The following NEBL variants were observed in gnomAD, a reference collection of about 807,000 sequenced individuals.
NEBL encodes nebulette, also known as LIM and SH3 protein 2.
Under a neutral mutation model 140.2 loss-of-function variants are expected in NEBL, and 122 were observed. The observed-to-expected ratio is 0.87, with a 90% confidence interval of 0.75 to 1.01. NEBL has a LOEUF of 1.01. Among genes scored for constraint, NEBL ranks in the 50% least tolerant of loss-of-function variants. NEBL has a pLI of 0.00. For synonymous variants in NEBL, 436 were observed against 398.9 expected, an observed-to-expected ratio of 1.09 and a Z score of -1.11; for missense variants, 1,365 against 1,231.3, an observed-to-expected ratio of 1.11 and a Z score of -1.62.
chr10:20,788,681 C>A (rs557336789), intron 26 of NEBL, among the ~76,000 whole-genome samples: 1 of 152,088 alleles, frequency 6.6e-6, no homozygotes, highest in Non-Finnish European at 1.5e-5. Flanking sequence ...TAGTATATTG[C>A]AAAGTCATTA....
intron 4 of NEBL, among the ~76,000 whole-genome samples, chr10:20,930,833 G>T (rs1480214661): frequency 6.6e-6 from 1 of 152,222 alleles, no homozygotes; most frequent in African/African-American, 2.4e-5. Context: ...CATAAGGTTT[G>T]CCTAGAATGA....
At chr10:20,840,980 T>C (rs147004964) in intron 12 of NEBL, 131 bp from the exon 13 acceptor site, 49 of 657,814 alleles carry the variant, frequency 7.4e-5, no homozygotes, top group Non-Finnish European at 1.2e-4. Flanking sequence ...CACAGCTAAG[T>C]ATTCATGCTT....
chr10:21,033,419 T>A (rs1833877737), intron 2 of NEBL, among the ~76,000 whole-genome samples: 1 of 152,346 alleles, frequency 6.6e-6, no homozygotes, highest in East Asian at 1.9e-4. Context: ...ATAATTCTAT[T>A]TTTAAGAAAA....
Position 20,840,741 on chromosome 10 carries a change from C to T in NEBL, c.1336G>A (p.Glu446Lys), listed in dbSNP as rs1367332902. ...RAKRASEMAS[E>K]KEYKKDLESI... ...AGGTGTTAAATAAACATACTCACCT[C>T]ACTTGCCATTTCAGAGGCTCGCTTT... is the stretch of plus-strand genomic sequence containing the variant. Residue 446 changes from glutamate to lysine, a missense_variant and splice_region_variant, in exon 13 of 28, where the codon GAG becomes AAG. By Grantham distance (56) the Glu-to-Lys change is moderately conservative. Transcript: ENST00000377122. 6.3e-7 allele frequency: 1 copy of T among 1,596,298 alleles called. No individual in the cohort carries two copies. The highest frequency in any genetic ancestry group is 1.7e-5 in the Admixed American group (1 of 59,882).
chr10:21,217,239 A>G (rs988799800), intron 3 of NEBL, among the ~76,000 whole-genome samples: 5 of 152,226 alleles, frequency 3.3e-5, no homozygotes, highest in Non-Finnish European at 1.5e-5. Flanking sequence ...TTTACTTAAG[A>G]GGTCATGGAG....
chr10:21,166,368 C>T (rs951390868), intron 2 of NEBL, among the ~76,000 whole-genome samples: 2 of 151,632 alleles, frequency 1.3e-5, no homozygotes, highest in African/African-American at 2.4e-5. Flanking sequence ...GTTTTCTCTT[C>T]TCATTCTCTT....
At chr10:21,144,568 A>G (rs1425082493) in intron 2 of NEBL, among the ~76,000 whole-genome samples, 1 of 152,166 alleles carries the variant, frequency 6.6e-6, no homozygotes, top group Non-Finnish European at 1.5e-5. Context: ...TGGACTAAAA[A>G]TACAAAAATA....
Position 21,010,034 on chromosome 10 carries a change from G to A in NEBL, c.249+10083C>T, listed in dbSNP as rs117494757. On this transcript the variant is annotated intron_variant, in intron 3 of 6. Coordinates refer to the NEBL transcript ENST00000417816. ...TGGTTTTGTTGTTTAAGGCCATTAC[G>A]AGACAGTAGTGTCTAAGTAGTGTCC... Among the ~76,000 whole-genome samples, 167 of 152,160 alleles carry A rather than the reference G, an allele frequency of 1.1e-3. No individual in the cohort carries two copies. The East Asian group carries it at 0.022, about 20-fold the overall frequency.
intron 4 of NEBL, among the ~76,000 whole-genome samples, chr10:20,925,649 C>T (rs540009135): frequency 5.5e-4 from 84 of 151,926 alleles, no homozygotes; most frequent in African/African-American, 1.9e-3. Context: ...TTAACCCACA[C>T]ATTTAGAAAG....
At chr10:21,129,429 C>A (rs1464928971) in intron 2 of NEBL, among the ~76,000 whole-genome samples, 1 of 151,776 alleles carries the variant, frequency 6.6e-6, no homozygotes, top group Admixed American at 6.6e-5. Flanking sequence ...CTTAATTGAC[C>A]TTACAGAATT....
At position 20,897,046 on chromosome 10, in the gene NEBL, A is replaced by G; in HGVS notation, c.82-17T>C. ...ATAGAAGACCTATTTGAAAAAAAAG[A>G]AAAGAACAGAAAGAACATTTTTCTC... On this transcript the variant is annotated splice_polypyrimidine_tract_variant and intron_variant, in intron 1 of 27. Coordinates refer to ENST00000377122, the MANE Select transcript of NEBL (RefSeq NM_006393.3). The G allele has an allele frequency of 6.2e-7, 1 of 1,611,304 alleles. No homozygotes were observed. The highest frequency in any genetic ancestry group is 8.5e-7 in the Non-Finnish European group (1 of 1,177,660).
At chr10:21,040,218 T>C (rs953384098) in intron 2 of NEBL, among the ~76,000 whole-genome samples, 3 of 152,040 alleles carry the variant, frequency 2.0e-5, no homozygotes, top group Non-Finnish European at 2.9e-5. Flanking sequence ...ATACAAAAAT[T>C]AGCTGGGTAT....
At chr10:21,012,481 T>C (rs1838378653) in intron 3 of NEBL, among the ~76,000 whole-genome samples, 2 of 152,154 alleles carry the variant, frequency 1.3e-5, no homozygotes, top group African/African-American at 2.4e-5. Context: ...TGCCTCAGCC[T>C]CCTAAGTAGC....
intron 20 of NEBL, among the ~76,000 whole-genome samples, chr10:20,818,410 T>C (rs541311901): frequency 2.0e-5 from 3 of 152,256 alleles, no homozygotes; most frequent in African/African-American, 4.8e-5. Flanking sequence ...TGGGTTTACA[T>C]AGAACATTAG....
At chr10:20,852,772 A>G in intron 9 of NEBL, 123 bp from the exon 10 acceptor site, 1 of 857,830 alleles carries the variant, frequency 1.2e-6, no homozygotes, top group South Asian at 1.4e-5. Context: ...CCAAGTCCCC[A>G]TCTGCAGTTG....
intron 4 of NEBL, among the ~76,000 whole-genome samples, chr10:20,928,137 C>G (rs1185517712): frequency 6.6e-6 from 1 of 152,164 alleles, no homozygotes; most frequent in African/African-American, 2.4e-5. Context: ...TTTATACTTA[C>G]AGCACATCTC....
intron 1 of NEBL, among the ~76,000 whole-genome samples, chr10:21,266,396 C>T (rs868190613): frequency 3.3e-5 from 5 of 152,336 alleles, no homozygotes; most frequent in Middle Eastern, 3.4e-3. Context: ...CCCAACTTGG[C>T]CTCCCAAAGT....
intron 26 of NEBL, among the ~76,000 whole-genome samples, chr10:20,789,813 A>T (rs1360690944): frequency 1.3e-5 from 2 of 151,778 alleles, no homozygotes; most frequent in African/African-American, 4.8e-5. Flanking sequence ...TCACCACTAC[A>T]CTCCAGCCTG....
intron 3 of NEBL, among the ~76,000 whole-genome samples, chr10:21,239,214 C>T (rs2132262261): frequency 1.3e-5 from 2 of 152,168 alleles, no homozygotes; most frequent in East Asian, 1.9e-4. Flanking sequence ...TGTTCCAACT[C>T]GTCCTGGTGA....
Sources: gnomAD v4.1 joint callset for allele counts (sites outside exome capture counted in the v4.1 genomes callset) on GRCh38, gnomAD v4.1.1 for gene constraint, MANE v1.5 for transcripts, NCBI Gene and HGNC (gene_info 2026-07-23, HGNC 2026-07-21) for gene names.